ATP2C1: variants seen among roughly 807,000 people sequenced by gnomAD.
ATP2C1 encodes the protein ATPase secretory pathway Ca2+ transporting 1, also known as calcium-transporting ATPase type 2C member 1.
In ATP2C1, 31 loss-of-function variants were observed where a neutral mutation model predicts 120.5. The observed-to-expected ratio is 0.26, with a 90% CI of 0.19 to 0.35. ATP2C1 has a LOEUF of 0.35. Among genes scored for constraint, ATP2C1 ranks in the 10% least tolerant of loss-of-function variants. The probability of loss-of-function intolerance (pLI) is 1.00; values close to 1 mark genes in which losing one functional copy is unlikely to be tolerated. For missense variants in ATP2C1, 731 were observed against 1,107.5 expected (o/e 0.66, Z 4.83); for synonymous variants, 351 against 358.7 (o/e 0.98, Z 0.24).
In ATP2C1 at chr3:130,968,338, A is replaced by G. The variant is rs61376504; in HGVS notation, c.1308+919A>G. On this transcript the variant is annotated intron_variant, in intron 16 of 27. Coordinates refer to ENST00000510168, the MANE Select transcript of ATP2C1 (RefSeq NM_001378687.1). ...TGAAACTATCTTTTTATGGGCAGAG[A>G]CCTCACATTTTAGGTAGGGAATTTA... Among the ~76,000 whole-genome samples, 333 of 152,246 alleles carry G rather than the reference A, an allele frequency of 2.2e-3. 1 individual carries two copies. Among genetic ancestry groups the G allele is most frequent in the African/African-American group, 7.8e-3 (323 of 41,546 alleles).
In ATP2C1 at chr3:130,993,008, G is replaced by A; in HGVS notation, c.1890+7G>A. 6.2e-7 allele frequency: 1 copy of A among 1,609,736 alleles called. No homozygotes were observed. The highest frequency in any genetic ancestry group is 8.5e-7 in the Non-Finnish European group (1 of 1,176,332). Reference sequence around the variant, plus strand: ...CAAGATGAAAATTATTAAGGTGAGTGTGTAAGAATCAGATTGTTTTATTTC... The same window carrying A: ...CAAGATGAAAATTATTAAGGTGAGTATGTAAGAATCAGATTGTTTTATTTC... On this transcript the variant is annotated splice_region_variant and intron_variant, in intron 21 of 27. Coordinates refer to ENST00000510168, the MANE Select transcript of ATP2C1 (RefSeq NM_001378687.1).
chr3:130,894,331 G>A lies in ATP2C1; in HGVS notation c.-187G>A. The A allele has an allele frequency of 1.0e-6, 1 of 998,544 alleles. No homozygotes were observed. Among genetic ancestry groups the A allele is most frequent in the Admixed American group, 5.6e-5 (1 of 17,762 alleles). 61.9% of individuals were successfully genotyped at this position (998,544 alleles called of 1,614,324 possible). A position where few individuals can be genotyped will look rare whatever the true frequency, so the allele number is the denominator to read the frequency against. On this transcript the variant is annotated 5_prime_UTR_variant, in exon 1 of 28. Transcript: ENST00000510168. This position sits in a 1 kb window ranked among gnomAD's most constrained non-coding sequence, Gnocchi z 4.5. ...GCAGCCTGGAGGAGGGCTGTCCGGGGCTTTGGGTGGGTACCAGTATTACCT... is the reference window on the plus strand; with the variant it reads ...GCAGCCTGGAGGAGGGCTGTCCGGGACTTTGGGTGGGTACCAGTATTACCT...
chr3:130,932,405 A>G (rs2059488845), intron 4 of ATP2C1, among the ~76,000 whole-genome samples: 1 of 152,098 alleles, frequency 6.6e-6, no homozygotes, highest in South Asian at 2.1e-4. Context: ...CTGATATCAA[A>G]CCTACACTAT....
intron 25 of ATP2C1, 121 bp downstream of exon 25, chr3:130,997,874 T>C (rs1030488016): frequency 2.1e-6 from 2 of 971,282 alleles, no homozygotes; most frequent in Non-Finnish European, 3.2e-6. Flanking sequence ...TAGTGAAAAA[T>C]ATAAGAACAT....
intron 2 of ATP2C1, among the ~76,000 whole-genome samples, chr3:130,909,625 A>T (rs1274474394): frequency 6.6e-6 from 1 of 152,132 alleles, no homozygotes; most frequent in Non-Finnish European, 1.5e-5. Flanking sequence ...ATTGTTGTGA[A>T]ATAGTCTAGG....
At chr3:130,936,640 G>A (rs901087562) in intron 5 of ATP2C1, among the ~76,000 whole-genome samples, 3 of 151,344 alleles carry the variant, frequency 2.0e-5, no homozygotes, top group Admixed American at 6.6e-5. Flanking sequence ...GTGAAACCCC[G>A]TCTCTACTAA....
At chr3:130,850,888 G>A in exon 1 of ATP2C1, 1 of 1,415,032 alleles carries the variant, frequency 7.1e-7, no homozygotes, top group East Asian at 2.8e-5. Flanking sequence ...GCAATTAGGA[G>A]ATATTTATCG....
intron 26 of ATP2C1, among the ~76,000 whole-genome samples, chr3:131,012,912 TAGTAA>T (rs1016637595): frequency 2.0e-5 from 3 of 152,204 alleles, no homozygotes; most frequent in African/African-American, 7.2e-5. Context: ...ATGGTAATTC[TAGTAA>T]AGTAAAGAAA....
At chr3:130,954,023 C>T (rs1363205953) in intron 9 of ATP2C1, 47 bp downstream of exon 9, 4 of 1,599,368 alleles carry the variant, frequency 2.5e-6, no homozygotes, top group Non-Finnish European at 3.4e-6. Flanking sequence ...TTGTTTGAAA[C>T]TATTTTCTCA....
intron 8 of ATP2C1, among the ~76,000 whole-genome samples, chr3:130,947,584 A>G (rs141068280): frequency 6.6e-5 from 10 of 152,240 alleles, no homozygotes; most frequent in African/African-American, 2.2e-4. Context: ...TAGGTACTTC[A>G]TTCATGTATG....
At chr3:130,998,098 T>C (rs2062716724) in intron 25 of ATP2C1, among the ~76,000 whole-genome samples, 196 bp from the exon 26 acceptor site, 1 of 152,116 alleles carries the variant, frequency 6.6e-6, no homozygotes. Context: ...AGAAGTTTTT[T>C]TTTTACTTTT....
intron 2 of ATP2C1, among the ~76,000 whole-genome samples, chr3:130,929,305 GA>G (rs888426947): frequency 6.6e-6 from 1 of 152,152 alleles, no homozygotes; most frequent in Non-Finnish European, 1.5e-5. Flanking sequence ...ACTGAGAGAA[GA>G]CTTTTTTTCC....
At chr3:130,990,384 A>T (rs2062271475) in intron 20 of ATP2C1, among the ~76,000 whole-genome samples, 1 of 150,326 alleles carries the variant, frequency 6.7e-6, no homozygotes. Context: ...TTGACAGAAG[A>T]GGGACCCATG....
In ATP2C1 at chr3:130,853,254, C is replaced by T. The variant is rs147794033; in HGVS notation, c.108+2326C>T. On this transcript the variant is annotated intron_variant, in intron 1 of 26. Transcript: ENST00000504381. ...GTAAAACCTCCAAGCCTGAAACCTG[C>T]TCATTTGTTAATAAGGAAGATTAGC... 1.1e-3 allele frequency among the ~76,000 whole-genome samples: 169 copies of T among 152,270 alleles called. 2 individuals carry two copies. Among genetic ancestry groups the T allele is most frequent in the African/African-American group, 3.8e-3 (159 of 41,546 alleles).
intron 12 of ATP2C1, chr3:130,963,678 C>T: frequency 2.6e-6 from 1 of 391,596 alleles, no homozygotes; most frequent in Non-Finnish European, 4.8e-6. Context: ...CAGTAAACTA[C>T]AGAGCTAGAT....
At chr3:130,979,220 T>G in intron 18 of ATP2C1, 29 bp from the exon 19 acceptor site, 1 of 1,611,516 alleles carries the variant, frequency 6.2e-7, no homozygotes, top group Non-Finnish European at 8.5e-7. Context: ...CTTTTTTTTG[T>G]TGTTGTTTGG....
At chr3:130,930,315 T>C (rs960821932) in intron 2 of ATP2C1, 101 bp from the exon 3 acceptor site, 1 of 788,980 alleles carries the variant, frequency 1.3e-6, no homozygotes, top group Non-Finnish European at 2.2e-6. Context: ...TTTTTCTAAC[T>C]GGAAAATTAG....
chr3:130,971,669 A>G (rs2061323018), intron 17 of ATP2C1, among the ~76,000 whole-genome samples: 1 of 152,202 alleles, frequency 6.6e-6, no homozygotes, highest in South Asian at 2.1e-4. Flanking sequence ...GGAGTAAGGC[A>G]TAAGGCTAAA....
intron 12 of ATP2C1, among the ~76,000 whole-genome samples, chr3:130,961,857 C>T (rs576551838): frequency 2.6e-5 from 4 of 151,862 alleles, no homozygotes; most frequent in Non-Finnish European, 5.9e-5. Flanking sequence ...CACTGTAGGC[C>T]GTAATGATGT....
Sources: gnomAD v4.1 joint callset for allele counts (sites outside exome capture counted in the v4.1 genomes callset) on GRCh38, gnomAD v4.1.1 for gene constraint, Gnocchi (gnomAD v3.1) non-coding constraint, MANE v1.5 for transcripts, NCBI Gene and HGNC (gene_info 2026-07-23, HGNC 2026-07-21) for gene names.